NUP85: variants seen among roughly 807,000 people sequenced by gnomAD.
NUP85 encodes nuclear pore complex protein Nup85.
Under a neutral mutation model 92.8 loss-of-function variants are expected in NUP85, and 23 were observed. That is an observed-to-expected ratio of 0.25 (90% CI 0.18 to 0.35). The LOEUF (loss-of-function observed/expected upper bound fraction) is 0.35. Ranked by LOEUF, NUP85 falls within the 10% of genes least tolerant of loss-of-function variation. NUP85 has a pLI of 1.00. For synonymous variants in NUP85, 314 were observed against 306.9 expected, an observed-to-expected ratio of 1.02 and a Z score of -0.24; for missense variants, 759 against 822.8, an observed-to-expected ratio of 0.92 and a Z score of 0.95.
In NUP85 at chr17:75,231,219, A is replaced by G; in HGVS notation, c.1095-121A>G. 1.1e-6 allele frequency: 1 copy of G among 923,292 alleles called. No homozygotes were observed. The highest frequency in any genetic ancestry group is 1.7e-6 in the Non-Finnish European group (1 of 578,150). The allele number at this position is 923,292 out of a possible 1,614,324, so 57.2% of individuals were successfully genotyped here. On this transcript the variant is annotated intron_variant, in intron 11 of 18. Coordinates refer to ENST00000245544, the MANE Select transcript of NUP85 (RefSeq NM_024844.5). The surrounding 1 kb of genome is among the most constrained non-coding windows in gnomAD (Gnocchi z 4.6). ...ACTGGGATCACGGGCATGAGCTATC[A>G]TCACGCCCGGCCCCATCTCTTTGAG...
rs1164164434 is a variant in NUP85 at position 75,231,787 on chromosome 17, T to C, written c.1245-41T>C. On this transcript the variant is annotated intron_variant, in intron 13 of 18. Transcript: ENST00000245544. The surrounding 1 kb of genome is among the most constrained non-coding windows in gnomAD (Gnocchi z 4.6). Reference sequence around the variant, plus strand: ...CTGTAGGTGCCAGTCCTCGGAGCCATGAGGCAGCACCTCATGTCTGTCCTC... The same window carrying C: ...CTGTAGGTGCCAGTCCTCGGAGCCACGAGGCAGCACCTCATGTCTGTCCTC... 1.9e-6 allele frequency: 3 copies of C among 1,611,888 alleles called. No homozygotes were observed. The highest frequency in any genetic ancestry group is 2.5e-6 in the Non-Finnish European group (3 of 1,178,604).
intron 5 of NUP85, among the ~76,000 whole-genome samples, chr17:75,215,228 A>C (rs1015166708): frequency 6.6e-6 from 1 of 152,116 alleles, no homozygotes; most frequent in Non-Finnish European, 1.5e-5. Flanking sequence ...CTTTTTTTAA[A>C]TTTTGAGACA....
intron 1 of NUP85, chr17:75,208,280 GA>G (rs56256592): frequency 0.15 from 45,850 of 301,926 alleles, 2,384 homozygotes; most frequent in African/African-American, 0.37. Flanking sequence ...TACTAAAAAT[GA>G]AAAAAAAAAA....
In NUP85 at chr17:75,232,928, C is replaced by G. The variant is rs760740948; in HGVS notation, c.1474C>G (p.Arg492Gly). The stretch of plus-strand genomic sequence containing the variant: ...GGGTTCTGCCCTCTCTTGGAGCATC[C>G]GTGCTAAGGATGCCGCCTTTGCCAC... ...RLGSALSWSI[R>G]AKDAAFATLV... The change falls in exon 15 of 19, where the codon CGT (arginine) becomes GGT (glycine). Residue 492 changes from arginine (R) to glycine (G), a missense_variant. Coordinates refer to ENST00000245544, the MANE Select transcript of NUP85 (RefSeq NM_024844.5). The G allele has an allele frequency of 1.2e-6, 2 of 1,614,230 alleles. No homozygotes were observed. The highest frequency in any genetic ancestry group is 1.7e-6 in the Non-Finnish European group (2 of 1,180,044).
At chr17:75,227,526 A>G (rs933192550) in intron 11 of NUP85, among the ~76,000 whole-genome samples, 4 of 151,998 alleles carry the variant, frequency 2.6e-5, no homozygotes, top group Non-Finnish European at 4.4e-5. Flanking sequence ...CAATAGAGAC[A>G]GGGTTTCACC....
chr17:75,229,594 G>C (rs890835367), intron 11 of NUP85, among the ~76,000 whole-genome samples: 4 of 152,198 alleles, frequency 2.6e-5, no homozygotes. Context: ...GAGTGGGAGT[G>C]TGTGCGTGTG....
At position 75,235,109 on chromosome 17, in the gene NUP85, TCAG is replaced by T. The variant is rs1568099446; in HGVS notation, c.1781_1783del (p.Ala594del). On this transcript the variant is annotated inframe_deletion, in exon 18 of 19. Transcript: ENST00000245544. ...AGGCTCTCTTCCCTAGGTGATTTTC[TCAG>T]CAGAACAGACTTATGAGTTGATGCG... is the stretch of plus-strand genomic sequence containing the variant. 6.2e-7 allele frequency: 1 copy of T among 1,613,690 alleles called. No homozygotes were observed. The highest frequency in any genetic ancestry group is 8.5e-7 in the Non-Finnish European group (1 of 1,179,762).
At chr17:75,217,221 G>A (rs962560287) in intron 6 of NUP85, among the ~76,000 whole-genome samples, 2 of 151,958 alleles carry the variant, frequency 1.3e-5, no homozygotes, top group African/African-American at 4.8e-5. Context: ...CACCACGCCC[G>A]GCTAATTTTT....
chr17:75,224,568 C>T (rs1434794710), intron 7 of NUP85, among the ~76,000 whole-genome samples: 1 of 151,990 alleles, frequency 6.6e-6, no homozygotes, highest in Non-Finnish European at 1.5e-5. Flanking sequence ...CGTGGTGGCT[C>T]ACGCCTGTAA....
chr17:75,225,317 G>A (rs773906831), intron 8 of NUP85, 25 bp from the exon 9 acceptor site: 16 of 1,613,864 alleles, frequency 9.9e-6, no homozygotes, highest in East Asian at 6.7e-5. Flanking sequence ...ATGGGATGAC[G>A]TCTCATGGCT....
intron 4 of NUP85, among the ~76,000 whole-genome samples, chr17:75,212,293 G>T (rs533154609): frequency 9.5e-6 from 1 of 105,442 alleles, no homozygotes; most frequent in Non-Finnish European, 1.7e-5. Context: ...TTTTGAGACC[G>T]AGTGTTGCTC....
chr17:75,226,421 T>G (rs560981394), intron 11 of NUP85, among the ~76,000 whole-genome samples: 69 of 152,162 alleles, frequency 4.5e-4, no homozygotes, highest in Non-Finnish European at 6.0e-4. Flanking sequence ...GCTTCCAACA[T>G]GGCACCTTGA....
intron 6 of NUP85, 49 bp downstream of exon 6, chr17:75,215,872 T>G (rs1247065588): frequency 6.8e-7 from 1 of 1,466,012 alleles, no homozygotes; most frequent in East Asian, 2.3e-5. Flanking sequence ...CCCTTCCATC[T>G]TCTGCTCTTT....
intron 11 of NUP85, chr17:75,229,243 G>A (rs763946395): frequency 2.4e-6 from 2 of 818,440 alleles, no homozygotes; most frequent in Non-Finnish European, 3.0e-6. Context: ...GCAGGGTGCA[G>A]CAGTGTTTAC....
intron 7 of NUP85, among the ~76,000 whole-genome samples, chr17:75,220,483 A>C (rs2075566413): frequency 6.8e-6 from 1 of 147,914 alleles, no homozygotes; most frequent in Non-Finnish European, 1.5e-5. Context: ...CACAATCACC[A>C]GTCACTGTAG....
intron 5 of NUP85, among the ~76,000 whole-genome samples, chr17:75,214,319 T>C (rs1164209556): frequency 6.6e-6 from 1 of 152,142 alleles, no homozygotes; most frequent in African/African-American, 2.4e-5. Flanking sequence ...CATCATGGTG[T>C]CTGTGGACTG....
In NUP85 at chr17:75,218,238, G is replaced by C; in HGVS notation, c.529G>C (p.Val177Leu). 6.2e-7 allele frequency: 1 copy of C among 1,614,002 alleles called. No homozygotes were observed. ...LDWVRLHVCE[V>L]DSLSADVLGS... ...CTGGGTCCGGCTCCATGTGTGCGAG[G>C]TGGACAGTTTGTCGGCAGATGTTCT... The change falls in exon 7 of 19, where the codon GTG becomes CTG. Residue 177 changes from valine to leucine, a missense_variant. Transcript: ENST00000245544.
intron 6 of NUP85, among the ~76,000 whole-genome samples, chr17:75,217,471 G>A (rs1348067904): frequency 6.6e-6 from 1 of 151,948 alleles, no homozygotes; most frequent in Non-Finnish European, 1.5e-5. Flanking sequence ...CAAAGTGCTG[G>A]GATTACAGAC....
chr17:75,228,256 A>G (rs536029226), intron 11 of NUP85: 4 of 985,384 alleles, frequency 4.1e-6, no homozygotes, highest in African/African-American at 1.7e-5. Flanking sequence ...CAGAAGAGAA[A>G]GAGAAGTACC....
Sources: allele counts gnomAD v4.1 joint callset (sites outside exome capture counted in the v4.1 genomes callset), GRCh38; gene constraint gnomAD v4.1.1; non-coding constraint Gnocchi (gnomAD v3.1); transcripts MANE v1.5; gene names NCBI Gene and HGNC (gene_info 2026-07-23, HGNC 2026-07-21).